FRS2: variants seen among roughly 807,000 people sequenced by gnomAD.
FRS2 encodes the protein fibroblast growth factor receptor substrate 2, also known as FGFR signalling adaptor.
A neutral mutation model predicts 43.9 loss-of-function variants in FRS2; 8 were observed. The ratio of observed to expected loss-of-function variants is 0.18; its 90% CI spans 0.11 to 0.33. The LOEUF (loss-of-function observed/expected upper bound fraction) is 0.33, where lower values mean the gene tolerates loss of function less well. FRS2 is among the 10% of genes least tolerant of loss of function. The probability of loss-of-function intolerance (pLI) is 1.00; values close to 1 mark genes in which losing one functional copy is unlikely to be tolerated. For synonymous variants in FRS2, 219 were observed against 220.3 expected (o/e 0.99, Z 0.05); for missense variants, 534 against 627.6 (o/e 0.85, Z 1.59).
intron 1 of FRS2, among the ~76,000 whole-genome samples, chr12:69,521,161 G>A (rs1364417726): frequency 6.6e-6 from 1 of 151,964 alleles, no homozygotes; most frequent in Non-Finnish European, 1.5e-5. Context: ...TTGTGTGTGT[G>A]GCAATTGTGA....
chr12:69,556,765 C>T (rs513177), intron 3 of FRS2, among the ~76,000 whole-genome samples: 14,185 of 152,054 alleles, frequency 0.093, 874 homozygotes, highest in Non-Finnish European at 0.14. Context: ...AATATTAGTT[C>T]GTGTATTTAA....
At chr12:69,543,044 G>A (rs1479059477) in intron 3 of FRS2, among the ~76,000 whole-genome samples, 2 of 152,100 alleles carry the variant, frequency 1.3e-5, no homozygotes, top group Non-Finnish European at 2.9e-5. Context: ...AAAACATCAG[G>A]TACTACCTCA....
chr12:69,507,987 G>T (rs1874101387), intron 1 of FRS2, among the ~76,000 whole-genome samples: 1 of 122,494 alleles, frequency 8.2e-6, no homozygotes, highest in Non-Finnish European at 1.6e-5. Context: ...TCGCGCCATT[G>T]CACTCCAGCC....
intron 1 of FRS2, among the ~76,000 whole-genome samples, chr12:69,506,685 C>T (rs1347873830): frequency 2.6e-5 from 4 of 152,050 alleles, no homozygotes; most frequent in Admixed American, 6.5e-5. Context: ...TTTACAATTT[C>T]GTAGTTTACT....
At chr12:69,504,784 C>A (rs944955326) in intron 1 of FRS2, among the ~76,000 whole-genome samples, 2 of 152,178 alleles carry the variant, frequency 1.3e-5, no homozygotes, top group Non-Finnish European at 2.9e-5. Context: ...ACAACTATTT[C>A]CAGTTCCCCA....
At position 69,537,628 on chromosome 12, in the gene FRS2, A is replaced by C. The variant is rs183866877; in HGVS notation, c.-122+5572A>C. On this transcript the variant is annotated intron_variant, in intron 3 of 8. Coordinates refer to ENST00000549921, the MANE Select transcript of FRS2 (RefSeq NM_001278356.2). ...TTTTCCTTCCCATTTAGTGTTTTGC[A>C]GTTTTGTATAATGTATTGAGGGCGT... 3.7e-3 allele frequency among the ~76,000 whole-genome samples: 557 copies of C among 151,134 alleles called. 3 individuals carry two copies. Among genetic ancestry groups the C allele is most frequent in the African/African-American group, 0.013 (535 of 41,148 alleles).
intron 1 of FRS2, among the ~76,000 whole-genome samples, chr12:69,515,320 G>C (rs1325738544): frequency 6.6e-6 from 1 of 152,220 alleles, no homozygotes; most frequent in Non-Finnish European, 1.5e-5. Flanking sequence ...AAGGAAAGCT[G>C]AAAGTTTCTG....
chr12:69,495,134 A>G lies in FRS2; in HGVS notation c.-261+24604A>G, dbSNP rs563577468. Among the ~76,000 whole-genome samples the G allele has an allele frequency of 9.3e-4, 142 of 152,314 alleles. No individual in the cohort carries two copies. In the Middle Eastern group the frequency reaches 0.01, roughly 11 times the overall value. On this transcript the variant is annotated intron_variant, in intron 1 of 8. Transcript: ENST00000549921. ...TGAGGACTAAATCTCCTACACACTT[A>G]AAAGTTTCGTGGGAGCTGAAGAACA...
chr12:69,506,999 C>G (rs1193889944), intron 1 of FRS2, among the ~76,000 whole-genome samples: 1 of 152,202 alleles, frequency 6.6e-6, no homozygotes, highest in Non-Finnish European at 1.5e-5. Context: ...CACGTGATGC[C>G]CTCTGCTGCC....
chr12:69,471,446 A>C (rs1870284571), intron 1 of FRS2, among the ~76,000 whole-genome samples: 1 of 152,222 alleles, frequency 6.6e-6, no homozygotes, highest in Admixed American at 6.5e-5. Flanking sequence ...TTTCTTAAGG[A>C]AAAATTGTTC....
At chr12:69,505,903 C>A (rs1457136459) in intron 1 of FRS2, among the ~76,000 whole-genome samples, 4 of 152,094 alleles carry the variant, frequency 2.6e-5, no homozygotes. Context: ...TGTCTTTTTT[C>A]TGTTATTTTC....
chr12:69,526,070 TG>T (rs2135637470), intron 1 of FRS2, among the ~76,000 whole-genome samples: 1 of 152,246 alleles, frequency 6.6e-6, no homozygotes, highest in African/African-American at 2.4e-5. Context: ...GTTTATCAGC[TG>T]GTCTTCAACT....
intron 1 of FRS2, among the ~76,000 whole-genome samples, chr12:69,512,836 T>C (rs887255017): frequency 3.9e-5 from 6 of 152,210 alleles, no homozygotes; most frequent in Non-Finnish European, 5.9e-5. Flanking sequence ...CAGAACGTTA[T>C]GTTAAAAAGA....
intron 1 of FRS2, among the ~76,000 whole-genome samples, chr12:69,483,154 A>AGAT (rs540032865): frequency 6.7e-4 from 102 of 152,372 alleles, no homozygotes; most frequent in African/African-American, 2.3e-3. Flanking sequence ...TGACATCAAT[A>AGAT]CATTACTGTT....
chr12:69,529,359 C>T lies in FRS2; in HGVS notation c.-260-1506C>T, dbSNP rs558100885. On this transcript the variant is annotated intron_variant, in intron 1 of 8. Coordinates refer to ENST00000549921, the MANE Select transcript of FRS2 (RefSeq NM_001278356.2). Reference sequence around the variant, plus strand: ...AGAAGGTAGGCTGGGCATGGTGGCTCATTCCTGTAATCCCAGCACTTTGGG... The same window carrying T: ...AGAAGGTAGGCTGGGCATGGTGGCTTATTCCTGTAATCCCAGCACTTTGGG... Among the ~76,000 whole-genome samples, 10 of 152,246 alleles carry T rather than the reference C, an allele frequency of 6.6e-5. No homozygotes were observed. The East Asian group carries it at 1.9e-3, about 29-fold the overall frequency.
intron 1 of FRS2, among the ~76,000 whole-genome samples, chr12:69,513,875 T>C (rs1874714645): frequency 6.6e-6 from 1 of 152,188 alleles, no homozygotes; most frequent in South Asian, 2.1e-4. Flanking sequence ...ATATCACTTC[T>C]CCTTGACAGT....
At chr12:69,499,254 C>T (rs559733657) in intron 1 of FRS2, among the ~76,000 whole-genome samples, 1 of 152,144 alleles carries the variant, frequency 6.6e-6, no homozygotes, top group South Asian at 2.1e-4. Flanking sequence ...TGGACAATGA[C>T]CTTTGCAAAG....
chr12:69,505,532 G>T (rs1873848805), intron 1 of FRS2, among the ~76,000 whole-genome samples: 1 of 152,158 alleles, frequency 6.6e-6, no homozygotes, highest in African/African-American at 2.4e-5. Context: ...TGTATAGGTG[G>T]TCTTACATCT....
chr12:69,486,397 C>A (rs1166845072), intron 1 of FRS2: 1 of 152,140 alleles, frequency 6.6e-6, no homozygotes, highest in Non-Finnish European at 1.5e-5. Flanking sequence ...TCAAACTGTG[C>A]CCATATAGGA....
Sources: allele counts gnomAD v4.1 joint callset (sites outside exome capture counted in the v4.1 genomes callset), GRCh38; gene constraint gnomAD v4.1.1; transcripts MANE v1.5; gene names NCBI Gene and HGNC (gene_info 2026-07-23, HGNC 2026-07-21).